The following SERPINE3 variants were observed in gnomAD, a reference collection of about 807,000 sequenced individuals.
The protein encoded by SERPINE3 is serpin E3.
Under a neutral mutation model 41.7 loss-of-function variants are expected in SERPINE3, and 43 were observed. That is an observed-to-expected ratio of 1.03 (90% CI 0.81 to 1.33). The LOEUF is 1.33. SERPINE3 is among the 40% of genes most tolerant of loss of function. The pLI is 0.00. For synonymous variants in SERPINE3, 200 were observed against 192.2 expected, an observed-to-expected ratio of 1.04 and a Z score of -0.34; for missense variants, 440 against 491.7, an observed-to-expected ratio of 0.89 and a Z score of 0.99.
At chr13:51,347,298 A>G in intron 5 of SERPINE3, 64 bp downstream of exon 5, 1 of 1,381,802 alleles carries the variant, frequency 7.2e-7, no homozygotes, top group Non-Finnish European at 1.0e-6. Flanking sequence ...GGCAGGAGAG[A>G]GGAGGCCAGG....
intron 6 of SERPINE3, among the ~76,000 whole-genome samples, chr13:51,351,876 T>C (rs1179031934): frequency 6.6e-6 from 1 of 152,120 alleles, no homozygotes; most frequent in Non-Finnish European, 1.5e-5. Flanking sequence ...TTTGTCCCAA[T>C]ATCATTTGTT....
At chr13:51,347,956 T>TCC (rs139973827) in intron 5 of SERPINE3, among the ~76,000 whole-genome samples, 28 of 147,260 alleles carry the variant, frequency 1.9e-4, no homozygotes, top group Non-Finnish European at 3.8e-4. Context: ...TGTGCCATCG[T>TCC]CCCCCCCCCC....
At chr13:51,344,814 C>T (rs1955330284) in intron 4 of SERPINE3, among the ~76,000 whole-genome samples, 1 of 152,184 alleles carries the variant, frequency 6.6e-6, no homozygotes, top group Non-Finnish European at 1.5e-5. Flanking sequence ...CAACTGTCCC[C>T]CGACTGAGCT....
At chr13:51,361,985 G>A (rs561201135) in intron 9 of SERPINE3, 92 bp downstream of exon 9, 1 of 1,610,546 alleles carries the variant, frequency 6.2e-7, no homozygotes, top group Non-Finnish European at 8.5e-7. Context: ...TCAAAAATAA[G>A]CATTCTTTCT....
chr13:51,364,371 T>G lies in SERPINE3; in HGVS notation c.*89T>G. 1.4e-6 allele frequency: 1 copy of G among 706,036 alleles called. No individual in the cohort carries two copies. The highest frequency in any genetic ancestry group is 2.1e-5 in the South Asian group (1 of 47,296). The allele number at this position is 706,036 out of a possible 1,614,324, so 43.7% of individuals were successfully genotyped here. A position where few individuals can be genotyped will look rare whatever the true frequency, so the allele number is the denominator to read the frequency against. ...CCTTGAAATTTAAAAAAATGTCTGA[T>G]AAAGTGTAAAAAGCTAAGGGTATGT... On this transcript the variant is annotated 3_prime_UTR_variant, in exon 10 of 10. Coordinates refer to ENST00000681248, the MANE Select transcript of SERPINE3 (RefSeq NM_001386375.1).
intron 6 of SERPINE3, among the ~76,000 whole-genome samples, chr13:51,353,828 AG>A (rs1216041874): frequency 1.3e-5 from 2 of 152,196 alleles, no homozygotes; most frequent in African/African-American, 4.8e-5. Context: ...CTCTCCTGCA[AG>A]TTCTGTATTA....
At chr13:51,352,957 T>G (rs1176116265) in intron 6 of SERPINE3, among the ~76,000 whole-genome samples, 1 of 152,206 alleles carries the variant, frequency 6.6e-6, no homozygotes, top group Non-Finnish European at 1.5e-5. Flanking sequence ...AAATCCCACT[T>G]TGTCATGGTG....
At chr13:51,348,624 T>C in intron 6 of SERPINE3, 1 of 418,864 alleles carries the variant, frequency 2.4e-6, no homozygotes, top group Non-Finnish European at 4.0e-6. Flanking sequence ...CAGACTGAAA[T>C]GAACTAACTT....
intron 6 of SERPINE3, among the ~76,000 whole-genome samples, chr13:51,350,343 G>T (rs916104633): frequency 1.3e-5 from 2 of 152,022 alleles, no homozygotes; most frequent in African/African-American, 4.8e-5. Flanking sequence ...CATACTAAAG[G>T]AATAATCAAG....
At chr13:51,345,592 C>CAA (rs753888958) in intron 4 of SERPINE3, among the ~76,000 whole-genome samples, 718 of 35,570 alleles carry the variant, frequency 0.02, 8 homozygotes, top group Non-Finnish European at 0.026. Flanking sequence ...GATTTCATCT[C>CAA]AAAAAAAAAA....
intron 6 of SERPINE3, among the ~76,000 whole-genome samples, chr13:51,350,854 C>T (rs1024874331): frequency 3.9e-5 from 6 of 151,988 alleles, no homozygotes; most frequent in East Asian, 1.9e-4. Flanking sequence ...TTTGCCTATT[C>T]GAGAATTTCA....
At chr13:51,356,046 C>T (rs1955476719) in intron 7 of SERPINE3, among the ~76,000 whole-genome samples, 1 of 152,138 alleles carries the variant, frequency 6.6e-6, no homozygotes, top group African/African-American at 2.4e-5. Context: ...TTTTGATCCA[C>T]AAGAGAAGTC....
intron 6 of SERPINE3, among the ~76,000 whole-genome samples, chr13:51,354,594 A>C (rs1035640921): frequency 6.6e-6 from 1 of 151,524 alleles, no homozygotes; most frequent in Non-Finnish European, 1.5e-5. Flanking sequence ...CATCTCAGAA[A>C]AAAAAAAAAA....
intron 6 of SERPINE3, 190 bp downstream of exon 6, chr13:51,348,601 C>T (rs1955374612): frequency 1.7e-6 from 1 of 588,408 alleles, no homozygotes; most frequent in Middle Eastern, 2.6e-4. Flanking sequence ...CCACTGCTGG[C>T]TAGCTCACAG....
At chr13:51,355,789 C>G (rs1955471853) in intron 7 of SERPINE3, among the ~76,000 whole-genome samples, 1 of 151,998 alleles carries the variant, frequency 6.6e-6, no homozygotes. Context: ...AACCTATGTT[C>G]TACAATCCTC....
intron 6 of SERPINE3, chr13:51,354,081 A>C (rs1002820320): frequency 6.6e-6 from 1 of 152,218 alleles, no homozygotes; most frequent in African/African-American, 2.4e-5. Flanking sequence ...AGCAAATATG[A>C]AAATATATTT....
In SERPINE3 at chr13:51,361,223, T is replaced by C. The variant is rs115064791; in HGVS notation, c.1001-55T>C. The C allele has an allele frequency of 4.6e-5, 51 of 1,120,094 alleles. No homozygotes were observed. The African/African-American group carries it at 5.8e-4, about 13-fold the overall frequency. The allele number at this position is 1,120,094 out of a possible 1,614,324, so 69.4% of individuals were successfully genotyped here. A position where few individuals can be genotyped will look rare whatever the true frequency, so the allele number is the denominator to read the frequency against. ...ACATTTTTAAAGAATGTGTTCTAAA[T>C]GTGTTAGAAAAATGTTAATGAGCAA... On this transcript the variant is annotated intron_variant, in intron 7 of 9. Coordinates refer to ENST00000681248, the MANE Select transcript of SERPINE3 (RefSeq NM_001386375.1).
chr13:51,348,264 A>C lies in SERPINE3; in HGVS notation c.752A>C (p.Tyr251Ser). The C allele has an allele frequency of 6.2e-7, 1 of 1,608,484 alleles. No individual in the cohort carries two copies. The highest frequency in any genetic ancestry group is 8.5e-7 in the Non-Finnish European group (1 of 1,177,636). Reference sequence around the variant, plus strand: ...CAGGTGGGGGTGCTGGAGCTTCCTTACCTGGGAAGTGCAGTGAGTCTGTTC... The same window carrying C: ...CAGGTGGGGGTGCTGGAGCTTCCTTCCCTGGGAAGTGCAGTGAGTCTGTTC... ...GHQVGVLELP[Y>S]LGSAVSLFLV... The change falls in exon 6 of 10, where the codon TAC (tyrosine) becomes TCC (serine). Residue 251 changes from tyrosine to serine, a missense_variant. Tyr to Ser is a moderately radical substitution (Grantham distance 144). Transcript: ENST00000681248.
At chr13:51,342,502 C>A (rs2137763705) in intron 3 of SERPINE3, among the ~76,000 whole-genome samples, 1 of 152,324 alleles carries the variant, frequency 6.6e-6, no homozygotes, top group East Asian at 1.9e-4. Flanking sequence ...GCATTTTTTA[C>A]CCTGTCATTG....
Sources: allele counts gnomAD v4.1 joint callset (sites outside exome capture counted in the v4.1 genomes callset), GRCh38; gene constraint gnomAD v4.1.1; transcripts MANE v1.5; gene names NCBI Gene and HGNC (gene_info 2026-07-23, HGNC 2026-07-21).